Variants in CTNNA3 observed in about 807,000 individuals in gnomAD.
CTNNA3 encodes catenin alpha 3, also known as catenin alpha-3.
Under a neutral mutation model 95.7 loss-of-function variants are expected in CTNNA3, and 76 were observed. The ratio of observed to expected loss-of-function variants is 0.79; its 90% CI spans 0.66 to 0.96. CTNNA3 has a LOEUF of 0.96. CTNNA3 is among the 40% of genes least tolerant of loss of function. The pLI, the probability that CTNNA3 is intolerant of heterozygous loss-of-function variation, is 0.00. For missense variants in CTNNA3, 1,191 were observed against 1,089.8 expected, an observed-to-expected ratio of 1.09 and a Z score of -1.31; for synonymous variants, 431 against 374.4, an observed-to-expected ratio of 1.15 and a Z score of -1.74.
At chr10:66,743,057 G>C (rs967826875) in intron 9 of CTNNA3, among the ~76,000 whole-genome samples, 1 of 151,874 alleles carries the variant, frequency 6.6e-6, no homozygotes, top group Non-Finnish European at 1.5e-5. Context: ...TTATGTATTG[G>C]ACATAAGATC....
intron 5 of CTNNA3, among the ~76,000 whole-genome samples, chr10:67,410,738 C>T (rs1242883303): frequency 1.3e-5 from 2 of 151,674 alleles, no homozygotes. Flanking sequence ...GTAAATGAAT[C>T]AGTATTTCAA....
In CTNNA3 at chr10:67,696,133, C is replaced by T. The variant is rs1378623983; in HGVS notation, c.-139G>A. ...AGTTACAGAGTACCAAATTGAGAGGCAGATGACAGTGGGGCAGTCAATTTC... is the reference window on the plus strand; with the variant it reads ...AGTTACAGAGTACCAAATTGAGAGGTAGATGACAGTGGGGCAGTCAATTTC... On this transcript the variant is annotated 5_prime_UTR_variant, in exon 1 of 18. Transcript: ENST00000433211. 6.6e-6 allele frequency: 1 copy of T among 151,974 alleles called. No homozygotes were observed. The highest frequency in any genetic ancestry group is 1.5e-5 in the Non-Finnish European group (1 of 68,004). 9.4% of individuals were successfully genotyped at this position (151,974 alleles called of 1,614,324 possible).
chr10:66,812,233 T>C (rs1206714189), intron 7 of CTNNA3, among the ~76,000 whole-genome samples: 1 of 152,136 alleles, frequency 6.6e-6, no homozygotes, highest in Non-Finnish European at 1.5e-5. Flanking sequence ...AATTCAATAA[T>C]ACATTGAGGA....
At chr10:67,048,106 A>G (rs185461211) in intron 7 of CTNNA3, among the ~76,000 whole-genome samples, 49 of 152,096 alleles carry the variant, frequency 3.2e-4, no homozygotes, top group African/African-American at 1.2e-3. Flanking sequence ...TTTATTTTGT[A>G]AAAAGAAACA....
intron 17 of CTNNA3, among the ~76,000 whole-genome samples, chr10:65,943,441 G>A (rs1296251040): frequency 6.6e-6 from 1 of 152,110 alleles, no homozygotes; most frequent in Admixed American, 6.6e-5. Flanking sequence ...TTACTGCTAG[G>A]ATTCTCTAAA....
intron 12 of CTNNA3, among the ~76,000 whole-genome samples, chr10:66,365,095 T>C (rs117590726): frequency 0.036 from 5,447 of 152,236 alleles, 127 homozygotes; most frequent in Non-Finnish European, 0.05. Flanking sequence ...GGGTATAAGA[T>C]ATATGTGCAC....
At chr10:66,911,184 C>A (rs1409333828) in intron 7 of CTNNA3, among the ~76,000 whole-genome samples, 1 of 152,104 alleles carries the variant, frequency 6.6e-6, no homozygotes, top group Non-Finnish European at 1.5e-5. Flanking sequence ...CTGTATAATT[C>A]AACATTAATA....
rs569642289 is a variant in CTNNA3 at position 67,178,867 on chromosome 10, A to G, written c.1047+1450T>C. ...ATCTTTAAGAATATATTATATGCTA[A>G]AAATGGGGATATTCTAGCTTCAGGC... On this transcript the variant is annotated intron_variant, in intron 7 of 17. Transcript: ENST00000433211. 2.6e-5 allele frequency among the ~76,000 whole-genome samples: 4 copies of G among 152,212 alleles called. No homozygotes were observed. The South Asian group carries it at 8.3e-4, about 32-fold the overall frequency.
intron 3 of CTNNA3, among the ~76,000 whole-genome samples, chr10:67,587,456 T>G (rs1842670303): frequency 6.6e-6 from 1 of 152,102 alleles, no homozygotes; most frequent in African/African-American, 2.4e-5. Context: ...TATTTCTCCT[T>G]CATTTATGAG....
chr10:67,583,302 T>A (rs1414451322), intron 3 of CTNNA3, among the ~76,000 whole-genome samples: 1 of 152,186 alleles, frequency 6.6e-6, no homozygotes, highest in East Asian at 1.9e-4. Context: ...ATATTTTATT[T>A]CTCCTTCACT....
intron 5 of CTNNA3, among the ~76,000 whole-genome samples, chr10:67,478,770 C>T (rs1218293747): frequency 6.6e-6 from 1 of 151,754 alleles, no homozygotes; most frequent in African/African-American, 2.4e-5. Flanking sequence ...ATCAAAACCT[C>T]ATATATCAAT....
intron 7 of CTNNA3, among the ~76,000 whole-genome samples, chr10:67,109,592 C>G (rs1295989658): frequency 6.6e-6 from 1 of 152,202 alleles, no homozygotes; most frequent in East Asian, 1.9e-4. Context: ...CGCCTGTAAT[C>G]CCAGCACTTT....
chr10:67,200,620 C>A (rs978797947), intron 6 of CTNNA3, among the ~76,000 whole-genome samples: 10 of 152,150 alleles, frequency 6.6e-5, no homozygotes, highest in African/African-American at 2.4e-4. Context: ...AGTCAAAATT[C>A]TTTAATGCCT....
chr10:65,958,986 C>T (rs972019246), intron 17 of CTNNA3, among the ~76,000 whole-genome samples: 1 of 152,236 alleles, frequency 6.6e-6, no homozygotes, highest in Non-Finnish European at 1.5e-5. Flanking sequence ...GCCCTGCCCC[C>T]AGAGGTGAAG....
At position 67,014,104 on chromosome 10, in the gene CTNNA3, G is replaced by A. The variant is rs1410948282; in HGVS notation, c.1047+166213C>T. ...AAGAATCAACATTAGTTTGTATTTT[G>A]GTTCATTGTAGAAGTCGATCACTAT... On this transcript the variant is annotated intron_variant, in intron 7 of 17. Coordinates refer to ENST00000433211, the MANE Select transcript of CTNNA3 (RefSeq NM_013266.4). Among the ~76,000 whole-genome samples the A allele has an allele frequency of 3.3e-5, 5 of 152,118 alleles. No individual in the cohort carries two copies. The East Asian group carries it at 7.7e-4, about 23-fold the overall frequency.
chr10:66,316,693 C>T (rs1364240196), intron 12 of CTNNA3, among the ~76,000 whole-genome samples: 2 of 152,030 alleles, frequency 1.3e-5, no homozygotes, highest in Non-Finnish European at 2.9e-5. Context: ...CAGACAGTGG[C>T]CCAGGTGGGA....
chr10:66,154,946 G>C (rs538940328), intron 13 of CTNNA3, among the ~76,000 whole-genome samples: 3 of 151,340 alleles, frequency 2.0e-5, no homozygotes, highest in South Asian at 4.2e-4. Flanking sequence ...TAAACAGCCA[G>C]ACAGTAAATA....
At chr10:67,612,310 A>G (rs1564782949) in intron 2 of CTNNA3, among the ~76,000 whole-genome samples, 1 of 152,254 alleles carries the variant, frequency 6.6e-6, no homozygotes, top group African/African-American at 2.4e-5. Flanking sequence ...TTAAAGGCAG[A>G]ATGATAACTG....
intron 12 of CTNNA3, among the ~76,000 whole-genome samples, chr10:66,315,607 TCA>T (rs2092090675): frequency 6.6e-6 from 1 of 152,038 alleles, no homozygotes; most frequent in South Asian, 2.1e-4. Flanking sequence ...TTCTGGTATT[TCA>T]GATTTATACC....
Sources: allele counts gnomAD v4.1 joint callset (sites outside exome capture counted in the v4.1 genomes callset), GRCh38; gene constraint gnomAD v4.1.1; transcripts MANE v1.5; gene names NCBI Gene and HGNC (gene_info 2026-07-23, HGNC 2026-07-21).